The following SHANK2 variants were observed in gnomAD, a reference collection of about 807,000 sequenced individuals.
SHANK2 encodes SH3 and multiple ankyrin repeat domains protein 2.
A neutral mutation model predicts 133.7 loss-of-function variants in SHANK2; 43 were observed. The observed-to-expected ratio is 0.32, with a 90% CI of 0.25 to 0.41. The LOEUF is 0.41. Ranked by LOEUF, SHANK2 falls within the 10% of genes least tolerant of loss-of-function variation. The pLI is 1.00. For missense variants in SHANK2, 1,994 were observed against 2,235.8 expected (o/e 0.89, Z 2.18); for synonymous variants, 1,017 against 952.8 (o/e 1.07, Z -1.24).
chr11:70,745,343 G>T (rs1344497958), intron 14 of SHANK2, among the ~76,000 whole-genome samples: 1 of 152,214 alleles, frequency 6.6e-6, no homozygotes, highest in Non-Finnish European at 1.5e-5. Flanking sequence ...TGGTCTCCAC[G>T]TATTTCCATG....
At chr11:71,087,097 C>G (rs2135075326) in intron 8 of SHANK2, among the ~76,000 whole-genome samples, 1 of 152,314 alleles carries the variant, frequency 6.6e-6, no homozygotes, top group South Asian at 2.1e-4. Flanking sequence ...GCTGCACAGG[C>G]TCAGGCCCCG....
intron 17 of SHANK2, among the ~76,000 whole-genome samples, chr11:70,546,363 G>A (rs900155304): frequency 2.0e-5 from 3 of 151,998 alleles, no homozygotes; most frequent in Admixed American, 6.6e-5. Flanking sequence ...TGGTTTTTCT[G>A]GTGACCAGCC....
At chr11:71,078,143 T>C (rs1033434907) in intron 8 of SHANK2, among the ~76,000 whole-genome samples, 4 of 148,686 alleles carry the variant, frequency 2.7e-5, no homozygotes, top group Non-Finnish European at 5.9e-5. Flanking sequence ...GCTTGAAATA[T>C]CTTGTTGTGC....
chr11:70,572,541 G>A (rs1565141532), intron 17 of SHANK2, among the ~76,000 whole-genome samples: 1 of 152,176 alleles, frequency 6.6e-6, no homozygotes, highest in Non-Finnish European at 1.5e-5. Context: ...GGAAGGGAAG[G>A]AAACTAAGGG....
chr11:70,549,815 A>T (rs1046382999), intron 17 of SHANK2, among the ~76,000 whole-genome samples: 2 of 152,244 alleles, frequency 1.3e-5, no homozygotes, highest in African/African-American at 4.8e-5. Context: ...GCTGCATTTT[A>T]GGCGTGATTC....
intron 19 of SHANK2, 104 bp downstream of exon 19, chr11:70,502,102 G>A: frequency 1.5e-6 from 2 of 1,356,550 alleles, no homozygotes; most frequent in Non-Finnish European, 2.1e-6. Flanking sequence ...GCAGGAGGGG[G>A]GTAGCGAGCA....
intron 21 of SHANK2, among the ~76,000 whole-genome samples, chr11:70,499,969 C>T (rs2059026880): frequency 6.6e-6 from 1 of 152,168 alleles, no homozygotes; most frequent in African/African-American, 2.4e-5. Flanking sequence ...AGCAGGCGAG[C>T]AATACCCCCC....
intron 14 of SHANK2, among the ~76,000 whole-genome samples, chr11:70,722,251 G>A (rs1946088271): frequency 6.6e-6 from 1 of 152,236 alleles, no homozygotes; most frequent in East Asian, 1.9e-4. Context: ...CTGCTGATGG[G>A]AGGCATTTGT....
chr11:70,517,226 G>A (rs141341852), intron 17 of SHANK2, among the ~76,000 whole-genome samples: 2 of 152,328 alleles, frequency 1.3e-5, no homozygotes, highest in Non-Finnish European at 2.9e-5. Flanking sequence ...GCAAATGCCG[G>A]CGAGGATGTG....
At chr11:70,637,475 C>T (rs1318341353) in intron 17 of SHANK2, among the ~76,000 whole-genome samples, 1 of 152,108 alleles carries the variant, frequency 6.6e-6, no homozygotes, top group African/African-American at 2.4e-5. Context: ...TCTCCTCCTG[C>T]GGTGCAGAAT....
rs1555154173 is a variant in SHANK2, at chr11:70,487,098, C to T, written c.3195G>A (p.Gln1065=). Residue 1065 remains glutamine, a synonymous_variant, in exon 25 of 26, where the codon CAG becomes CAA. Coordinates refer to ENST00000601538, the MANE Select transcript of SHANK2 (RefSeq NM_012309.5). The surrounding 1 kb of genome is among the most constrained non-coding windows in gnomAD (Gnocchi z 5.8). ...CGGTCAGGCTTTCGTCAGGCCGCAG[C>T]TGGCTCGGTGGCTCCGGGGCCTGGG... The part of the protein sequence containing the change: ...IDPQAPEPPS[Q]LRPDESLTVS... 6.2e-7 allele frequency: 1 copy of T among 1,610,906 alleles called. No individual in the cohort carries two copies. The highest frequency in any genetic ancestry group is 1.7e-4 in the Middle Eastern group (1 of 6,056).
intron 10 of SHANK2, among the ~76,000 whole-genome samples, chr11:70,938,449 A>C (rs1950600108): frequency 6.6e-6 from 1 of 152,214 alleles, no homozygotes; most frequent in African/African-American, 2.4e-5. Flanking sequence ...ATGCAGCTCT[A>C]CTCAAGGGAT....
At chr11:70,799,488 A>C (rs1555050032) in intron 13 of SHANK2, among the ~76,000 whole-genome samples, 1 of 152,232 alleles carries the variant, frequency 6.6e-6, no homozygotes, top group Non-Finnish European at 1.5e-5. Context: ...ACGTGGAATT[A>C]TCTTCACTTA....
At chr11:70,844,416 T>C (rs1948963438) in intron 11 of SHANK2, among the ~76,000 whole-genome samples, 1 of 152,156 alleles carries the variant, frequency 6.6e-6, no homozygotes, top group South Asian at 2.1e-4. Context: ...ACAGCCAGCA[T>C]TCTCGACAAG....
At chr11:71,072,785 A>G (rs1260673473) in intron 9 of SHANK2, among the ~76,000 whole-genome samples, 6 of 152,174 alleles carry the variant, frequency 3.9e-5, no homozygotes, top group African/African-American at 1.4e-4. Context: ...ACTCAGTGAA[A>G]TCAGCCAGAC....
At chr11:70,635,766 AAG>A (rs2061068308) in intron 17 of SHANK2, among the ~76,000 whole-genome samples, 2 of 146,656 alleles carry the variant, frequency 1.4e-5, no homozygotes, top group South Asian at 4.8e-4. Flanking sequence ...TAAAAAAAAA[AAG>A]GGGGGAGGAA....
rs190904855 is a variant in SHANK2, at chr11:70,818,839, C to T, written c.1493+1525G>A. ...CACCGGCATGTTCTCCCCACAAACTCCTTGGCTGTGGCCCCAAAGCCTGGG... is the reference window on the plus strand; with the variant it reads ...CACCGGCATGTTCTCCCCACAAACTTCTTGGCTGTGGCCCCAAAGCCTGGG... On this transcript the variant is annotated intron_variant, in intron 12 of 25. Transcript: ENST00000601538. Among the ~76,000 whole-genome samples, 397 of 152,372 alleles carry T rather than the reference C, an allele frequency of 2.6e-3. 1 individual carries two copies. The highest frequency in any genetic ancestry group is 9.0e-3 in the African/African-American group (375 of 41,586).
At chr11:70,887,026 C>T (rs1949757452) in intron 11 of SHANK2, among the ~76,000 whole-genome samples, 1 of 152,162 alleles carries the variant, frequency 6.6e-6, no homozygotes, top group Non-Finnish European at 1.5e-5. Flanking sequence ...GTGCATCTCC[C>T]CACAAAGCCG....
intron 10 of SHANK2, among the ~76,000 whole-genome samples, chr11:70,901,694 C>T (rs1233819347): frequency 2.6e-5 from 4 of 152,136 alleles, no homozygotes; most frequent in African/African-American, 9.7e-5. Context: ...AGCCCCTTAC[C>T]CCCACAGGAT....
Sources: allele counts gnomAD v4.1 joint callset (sites outside exome capture counted in the v4.1 genomes callset), GRCh38; gene constraint gnomAD v4.1.1; non-coding constraint Gnocchi (gnomAD v3.1); transcripts MANE v1.5; gene names NCBI Gene and HGNC (gene_info 2026-07-23, HGNC 2026-07-21).